Variants in CFAP418 observed in about 807,000 individuals in gnomAD.
The protein encoded by CFAP418 is cilia- and flagella-associated protein 418.
A neutral mutation model predicts 24.7 loss-of-function variants in CFAP418; 27 were observed. The observed-to-expected ratio is 1.09, with a 90% CI of 0.81 to 1.51. The LOEUF is 1.51. Ranked by LOEUF, CFAP418 falls within the 40% of genes most tolerant of loss-of-function variation. The pLI is 0.00. For missense variants in CFAP418, 257 were observed against 255.2 expected (o/e 1.01, Z -0.05); for synonymous variants, 74 against 87.3 (o/e 0.85, Z 0.85).
rs111979815 is a variant in CFAP418 at position 95,253,183 on chromosome 8, G to A, written c.375-900C>T. 7.5e-3 allele frequency among the ~76,000 whole-genome samples: 1,142 copies of A among 152,216 alleles called. 21 individuals are homozygous for A. Among genetic ancestry groups the A allele is most frequent in the African/African-American group, 0.026 (1,080 of 41,512 alleles). On this transcript the variant is annotated intron_variant, in intron 4 of 5. Transcript: ENST00000286688. ...AAATTAGCTGGGCATGGTGGCGGGC[G>A]CCTGTAGTCCCAGCTACTCAGGAGG...
chr8:95,266,836 ATGAATTTTAGT>A (rs1245177487), intron 1 of CFAP418, among the ~76,000 whole-genome samples: 1 of 152,212 alleles, frequency 6.6e-6, no homozygotes, highest in Non-Finnish European at 1.5e-5. Flanking sequence ...AATATTATGG[ATGAATTTTAGT>A]AGAGCAAGAA....
intron 5 of CFAP418, 65 bp downstream of exon 5, chr8:95,252,123 A>G (rs549980164): frequency 2.4e-4 from 295 of 1,223,122 alleles, no homozygotes; most frequent in Middle Eastern, 1.4e-3. Context: ...CAGAGAGAAT[A>G]TATCAAAATA....
At chr8:95,268,696 A>ACG (rs1812056384) in intron 1 of CFAP418, 1 of 166,100 alleles carries the variant, frequency 6.0e-6, no homozygotes, top group South Asian at 2.0e-4. Flanking sequence ...AGAACCTCCT[A>ACG]CGCGCTGGCA....
chr8:95,252,293 G>GAA lies in CFAP418; in HGVS notation c.375-12_375-11dup. On this transcript the variant is annotated splice_polypyrimidine_tract_variant and intron_variant, in intron 4 of 5. Coordinates refer to ENST00000286688, the MANE Select transcript of CFAP418 (RefSeq NM_177965.4). ...CAGATGGTCACATGCTCTGTTCAGA[G>GAA]AAAAAAAATTGTATATTAAAGATTA... 6.3e-7 allele frequency: 1 copy of GAA among 1,584,480 alleles called. No individual in the cohort carries two copies. The highest frequency in any genetic ancestry group is 8.6e-7 in the Non-Finnish European group (1 of 1,162,178).
chr8:95,250,164 A>G (rs1006331418), intron 5 of CFAP418, among the ~76,000 whole-genome samples: 1 of 152,170 alleles, frequency 6.6e-6, no homozygotes, highest in African/African-American at 2.4e-5. Context: ...AAATAAATCT[A>G]TCAGTGATTT....
At chr8:95,264,632 C>T (rs1587357902) in intron 1 of CFAP418, among the ~76,000 whole-genome samples, 1 of 152,190 alleles carries the variant, frequency 6.6e-6, no homozygotes, top group South Asian at 2.1e-4. Flanking sequence ...AGATGCTGTA[C>T]ATCAACTTTA....
At chr8:95,260,597 T>C (rs1317360748) in intron 2 of CFAP418, 65 bp from the exon 3 acceptor site, 2 of 865,180 alleles carry the variant, frequency 2.3e-6, no homozygotes, top group Non-Finnish European at 3.5e-6. Context: ...TGAAAACTAA[T>C]ATTCCTTATA....
intron 3 of CFAP418, 27 bp from the exon 4 acceptor site, chr8:95,259,932 T>C: frequency 6.5e-7 from 1 of 1,535,230 alleles, no homozygotes. Flanking sequence ...GATGCAAAAA[T>C]ATGAAGTTAT....
intron 1 of CFAP418, chr8:95,268,749 T>TTCGG: frequency 8.9e-6 from 1 of 112,782 alleles, no homozygotes. Flanking sequence ...CTGCGGGCTC[T>TTCGG]GCGGGCGGGG....
Position 95,245,933 on chromosome 8 carries a change from T to C in CFAP418, c.*1684A>G, listed in dbSNP as rs1278620441. 1 of 152,102 alleles carries C rather than the reference T, an allele frequency of 6.6e-6. No homozygotes were observed. The highest frequency in any genetic ancestry group is 2.1e-4 in the South Asian group (1 of 4,834). 9.4% of individuals were successfully genotyped at this position (152,102 alleles called of 1,614,324 possible). Reference sequence around the variant, plus strand: ...CCTAGGTTTCTGACTCAATTACATATAGATATAACTTTAGGGATATAATAC... The same window carrying C: ...CCTAGGTTTCTGACTCAATTACATACAGATATAACTTTAGGGATATAATAC... On this transcript the variant is annotated 3_prime_UTR_variant, in exon 6 of 6. Coordinates refer to ENST00000286688, the MANE Select transcript of CFAP418 (RefSeq NM_177965.4).
rs991202700 is a variant in CFAP418 at position 95,246,366 on chromosome 8, C to A, written c.*1251G>T. The stretch of plus-strand genomic sequence containing the variant: ...TTCTGTTGCAATGCTAGACTTACTA[C>A]AATAAATTTTACAAGTATGTAAATG... On this transcript the variant is annotated 3_prime_UTR_variant, in exon 6 of 6. Coordinates refer to ENST00000286688, the MANE Select transcript of CFAP418 (RefSeq NM_177965.4). 1 of 152,306 alleles carries A rather than the reference C, an allele frequency of 6.6e-6. No homozygotes were observed. The highest frequency in any genetic ancestry group is 2.1e-4 in the South Asian group (1 of 4,828). 9.4% of individuals were successfully genotyped at this position (152,306 alleles called of 1,614,324 possible). A position where few individuals can be genotyped will look rare whatever the true frequency, so the allele number is the denominator to read the frequency against.
In CFAP418 at chr8:95,247,485, T is replaced by C; in HGVS notation, c.*132A>G. On this transcript the variant is annotated 3_prime_UTR_variant, in exon 6 of 6. Coordinates refer to ENST00000286688, the MANE Select transcript of CFAP418 (RefSeq NM_177965.4). ...TCCATTTGGTCTTCAAAAATGTATG[T>C]AGTTGTATCAATAAAATTCACTGCC... 1 of 977,190 alleles carries C rather than the reference T, an allele frequency of 1.0e-6. No individual in the cohort carries two copies. The highest frequency in any genetic ancestry group is 1.5e-6 in the Non-Finnish European group (1 of 650,956). 60.5% of individuals were successfully genotyped at this position (977,190 alleles called of 1,614,324 possible).
intron 3 of CFAP418, 137 bp from the exon 4 acceptor site, chr8:95,260,042 C>G (rs1811860667): frequency 1.6e-6 from 1 of 629,064 alleles, no homozygotes; most frequent in Non-Finnish European, 2.7e-6. Context: ...CCCTAGCAAG[C>G]CAACCATTTC....
intron 4 of CFAP418, among the ~76,000 whole-genome samples, chr8:95,254,764 C>T (rs1811761271): frequency 6.6e-6 from 1 of 152,208 alleles, no homozygotes; most frequent in Admixed American, 6.5e-5. Flanking sequence ...CCAACAGCAA[C>T]ATCAGCTAAG....
chr8:95,255,262 A>G (rs1390709645), intron 4 of CFAP418, among the ~76,000 whole-genome samples: 1 of 152,130 alleles, frequency 6.6e-6, no homozygotes, highest in Non-Finnish European at 1.5e-5. Flanking sequence ...TCTCCAGCCC[A>G]GTCAGTGGCC....
intron 2 of CFAP418, among the ~76,000 whole-genome samples, chr8:95,261,640 A>G (rs1811893810): frequency 6.6e-6 from 1 of 152,124 alleles, no homozygotes; most frequent in South Asian, 2.1e-4. Flanking sequence ...TAAATGTTTT[A>G]CTTAGACCTG....
chr8:95,261,999 T>C (rs914813766), intron 2 of CFAP418, among the ~76,000 whole-genome samples: 1 of 152,268 alleles, frequency 6.6e-6, no homozygotes, highest in African/African-American at 2.4e-5. Flanking sequence ...GGAAGTATTC[T>C]ATTTGCAGGG....
chr8:95,260,375 C>T, intron 3 of CFAP418, 93 bp downstream of exon 3: 1 of 902,664 alleles, frequency 1.1e-6, no homozygotes, highest in Non-Finnish European at 1.7e-6. Flanking sequence ...TGTTCAATGT[C>T]ACTGCTGTTT....
At chr8:95,263,885 T>C (rs942984443) in intron 1 of CFAP418, 111 bp from the exon 2 acceptor site, 5 of 619,228 alleles carry the variant, frequency 8.1e-6, no homozygotes, top group Non-Finnish European at 1.4e-5. Context: ...AATAGAAAGA[T>C]AAAAGTGATT....
Sources: gnomAD v4.1 joint callset for allele counts (sites outside exome capture counted in the v4.1 genomes callset) on GRCh38, gnomAD v4.1.1 for gene constraint, MANE v1.5 for transcripts, NCBI Gene and HGNC (gene_info 2026-07-23, HGNC 2026-07-21) for gene names.